The following SLC25A21 variants were observed in gnomAD, a reference collection of about 807,000 sequenced individuals.
SLC25A21 encodes the protein mitochondrial 2-oxodicarboxylate carrier.
In SLC25A21, 47 loss-of-function variants were observed where a neutral mutation model predicts 43.8. That is an observed-to-expected ratio of 1.07 (90% CI 0.85 to 1.37). SLC25A21 has a LOEUF of 1.37. Ranked by LOEUF, SLC25A21 falls within the 40% of genes most tolerant of loss-of-function variation. The pLI is 0.00. For missense variants in SLC25A21, 352 were observed against 350.2 expected (o/e 1.00, Z -0.04); for synonymous variants, 131 against 121.3 (o/e 1.08, Z -0.52).
At chr14:36,793,080 TAACA>T (rs1887548579) in intron 3 of SLC25A21, among the ~76,000 whole-genome samples, 1 of 152,186 alleles carries the variant, frequency 6.6e-6, no homozygotes, top group African/African-American at 2.4e-5. Context: ...AATCTGAGTA[TAACA>T]AAAATATCAT....
chr14:37,049,310 G>C, intron 1 of SLC25A21, among the ~76,000 whole-genome samples: 1 of 152,258 alleles, frequency 6.6e-6, no homozygotes, highest in Middle Eastern at 3.4e-3. Context: ...GACTGGGCAC[G>C]GTGGCTCACA....
At position 36,725,551 on chromosome 14, in the gene SLC25A21, A is replaced by C. The variant is rs372930342; in HGVS notation, c.438+19T>G. ...AATTTTTACATGCCCCTAACAATAG[A>C]AAAACATTAAATGGTTACCTCTGCA... is the stretch of plus-strand genomic sequence containing the variant. On this transcript the variant is annotated intron_variant, in intron 6 of 9. Coordinates refer to ENST00000331299, the MANE Select transcript of SLC25A21 (RefSeq NM_030631.4). The C allele has an allele frequency of 7.3e-7, 1 of 1,362,952 alleles. No individual in the cohort carries two copies. The highest frequency in any genetic ancestry group is 1.5e-5 in the African/African-American group (1 of 67,510). The allele number at this position is 1,362,952 out of a possible 1,614,324, so 84.4% of individuals were successfully genotyped here. A position where few individuals can be genotyped will look rare whatever the true frequency, so the allele number is the denominator to read the frequency against.
intron 2 of SLC25A21, among the ~76,000 whole-genome samples, chr14:36,858,434 A>G (rs1889966964): frequency 6.6e-6 from 1 of 152,224 alleles, no homozygotes; most frequent in Non-Finnish European, 1.5e-5. Context: ...TCATAGATTC[A>G]TGGGAGAATG....
At chr14:36,963,690 T>C (rs1384147066) in intron 1 of SLC25A21, among the ~76,000 whole-genome samples, 1 of 152,154 alleles carries the variant, frequency 6.6e-6, no homozygotes, top group African/African-American at 2.4e-5. Flanking sequence ...GCATCTATCC[T>C]TACTTAGCGC....
chr14:37,142,402 C>T (rs1963585605), intron 1 of SLC25A21, among the ~76,000 whole-genome samples: 2 of 152,124 alleles, frequency 1.3e-5, no homozygotes, highest in Non-Finnish European at 2.9e-5. Flanking sequence ...GCTCTGTTGC[C>T]CAGGCTGGAG....
intron 1 of SLC25A21, among the ~76,000 whole-genome samples, chr14:37,088,653 G>C (rs879732231): frequency 7.9e-5 from 12 of 152,318 alleles, no homozygotes; most frequent in Admixed American, 5.9e-4. Flanking sequence ...AAAGCCAGCA[G>C]GCTCAGCTCT....
intron 1 of SLC25A21, among the ~76,000 whole-genome samples, chr14:37,168,717 C>T (rs1270458008): frequency 6.6e-6 from 1 of 152,090 alleles, no homozygotes; most frequent in Non-Finnish European, 1.5e-5. Context: ...TTCTGATACA[C>T]AGACTAAAGA....
chr14:37,109,599 G>A (rs937933593), intron 1 of SLC25A21, among the ~76,000 whole-genome samples: 6 of 152,100 alleles, frequency 3.9e-5, no homozygotes, highest in African/African-American at 9.7e-5. Flanking sequence ...GAGTGGTTGC[G>A]AAAGTATTAA....
chr14:36,760,313 T>C (rs1420877101), intron 3 of SLC25A21, among the ~76,000 whole-genome samples: 1 of 147,742 alleles, frequency 6.8e-6, no homozygotes, highest in Non-Finnish European at 1.5e-5. Context: ...ATTGCCATGT[T>C]GATTTAGGCA....
intron 3 of SLC25A21, among the ~76,000 whole-genome samples, chr14:36,805,862 G>A (rs1888021272): frequency 6.6e-6 from 1 of 152,112 alleles, no homozygotes; most frequent in African/African-American, 2.4e-5. Context: ...TAGAAGCACA[G>A]AGTAGAATAA....
intron 1 of SLC25A21, among the ~76,000 whole-genome samples, chr14:37,007,471 C>T (rs771052734): frequency 3.3e-5 from 5 of 151,820 alleles, no homozygotes; most frequent in East Asian, 3.9e-4. Flanking sequence ...GCCATGGTAG[C>T]GATTGCCTGT....
intron 3 of SLC25A21, among the ~76,000 whole-genome samples, chr14:36,771,983 G>C (rs1886636131): frequency 6.6e-6 from 1 of 152,090 alleles, no homozygotes; most frequent in Non-Finnish European, 1.5e-5. Context: ...ACAGAGGTCT[G>C]AGCTCGCGAG....
intron 1 of SLC25A21, among the ~76,000 whole-genome samples, chr14:37,070,203 T>C (rs1206981612): frequency 6.6e-6 from 1 of 152,224 alleles, no homozygotes; most frequent in Non-Finnish European, 1.5e-5. Flanking sequence ...TTACCTTCTT[T>C]GATGGGCACA....
intron 1 of SLC25A21, among the ~76,000 whole-genome samples, chr14:37,049,834 G>A (rs529712595): frequency 7.2e-5 from 11 of 152,158 alleles, no homozygotes; most frequent in Non-Finnish European, 1.3e-4. Context: ...TTACATTCTT[G>A]TTTTACACAA....
rs184118982 is a variant in SLC25A21, at chr14:37,092,991, T to A, written c.70+79290A>T. ...TGAATTATCTTTTGTCCATCTTTTT[T>A]AAATGCTCTACTTCCTGCTATCATG... On this transcript the variant is annotated intron_variant, in intron 1 of 9. Transcript: ENST00000331299. Among the ~76,000 whole-genome samples the A allele has an allele frequency of 2.9e-4, 44 of 152,244 alleles. No individual in the cohort carries two copies. In the East Asian group the frequency reaches 7.7e-3, roughly 27 times the overall value.
chr14:36,914,106 G>C (rs1030248973), intron 1 of SLC25A21, among the ~76,000 whole-genome samples: 1 of 152,216 alleles, frequency 6.6e-6, no homozygotes, highest in Admixed American at 6.5e-5. Flanking sequence ...GGTTGAACAA[G>C]AACAAATGAA....
chr14:37,128,658 C>T (rs1193701042), intron 1 of SLC25A21, among the ~76,000 whole-genome samples: 1 of 151,724 alleles, frequency 6.6e-6, no homozygotes, highest in African/African-American at 2.4e-5. Flanking sequence ...TCATGGCTCA[C>T]TGCAGCCTTG....
intron 3 of SLC25A21, among the ~76,000 whole-genome samples, chr14:36,812,696 G>A (rs987890748): frequency 6.6e-6 from 1 of 152,082 alleles, no homozygotes. Flanking sequence ...CATAATACAA[G>A]TTTAACTGAA....
rs80277160 is a variant in SLC25A21, at chr14:36,703,484, T to C, written c.603+7834A>G. 6.1e-3 allele frequency among the ~76,000 whole-genome samples: 925 copies of C among 152,330 alleles called. 13 individuals carry two copies. Among genetic ancestry groups the C allele is most frequent in the African/African-American group, 0.021 (894 of 41,588 alleles). On this transcript the variant is annotated intron_variant, in intron 7 of 9. Transcript: ENST00000331299. Reference sequence around the variant, plus strand: ...TAAATGGTTTATTAAATAAGAAAGATTGAACATTTGAAAAATTGTTCTCTT... The same window carrying C: ...TAAATGGTTTATTAAATAAGAAAGACTGAACATTTGAAAAATTGTTCTCTT...
Sources: gnomAD v4.1 joint callset for allele counts (sites outside exome capture counted in the v4.1 genomes callset) on GRCh38, gnomAD v4.1.1 for gene constraint, MANE v1.5 for transcripts, NCBI Gene and HGNC (gene_info 2026-07-23, HGNC 2026-07-21) for gene names.